Variants in CA4 observed in about 807,000 individuals in gnomAD.
CA4 encodes CA-IV.
A neutral mutation model predicts 34.5 loss-of-function variants in CA4; 24 were observed. That is an observed-to-expected ratio of 0.70 (90% CI 0.50 to 0.98). The LOEUF is 0.98. Ranked by LOEUF, CA4 falls within the 50% of genes least tolerant of loss-of-function variation. The pLI, the probability that CA4 is intolerant of heterozygous loss-of-function variation, is 0.00. For missense variants in CA4, 394 were observed against 396.7 expected, an observed-to-expected ratio of 0.99 and a Z score of 0.06; for synonymous variants, 178 against 170.6, an observed-to-expected ratio of 1.04 and a Z score of -0.34.
downstream of CA4, among the ~76,000 whole-genome samples, chr17:60,175,725 G>A (rs1429303841): frequency 6.7e-6 from 1 of 149,712 alleles, no homozygotes; most frequent in Admixed American, 6.7e-5. Context: ...AAAGAGTTGT[G>A]CTTCATTTTT....
intron 1 of CA4, 79 bp downstream of exon 1, chr17:60,150,171 C>G (rs1053613479): frequency 1.6e-6 from 2 of 1,217,410 alleles, no homozygotes; most frequent in Non-Finnish European, 2.3e-6. Flanking sequence ...GCAGAGGATC[C>G]CCCCGCGGGC....
intron 1 of CA4, among the ~76,000 whole-genome samples, chr17:60,154,193 C>G (rs900657083): frequency 6.8e-6 from 1 of 147,256 alleles, no homozygotes; most frequent in African/African-American, 2.5e-5. Flanking sequence ...TCTCCTCTCT[C>G]GGCCCCTCCT....
chr17:60,160,022 C>T (rs2145285464), downstream of CA4, among the ~76,000 whole-genome samples: 1 of 152,290 alleles, frequency 6.6e-6, no homozygotes. Context: ...CACCTGTAGT[C>T]CCAGCTACTC....
intron 3 of CA4, chr17:60,156,981 T>C: frequency 1.8e-6 from 1 of 557,730 alleles, no homozygotes; most frequent in Non-Finnish European, 3.2e-6. Flanking sequence ...ATGGAACAGC[T>C]CGGCGTGTTC....
At chr17:60,158,930 C>T (rs2083746120) in intron 7 of CA4, 5 of 483,592 alleles carry the variant, frequency 1.0e-5, no homozygotes, top group Non-Finnish European at 1.9e-5. Flanking sequence ...CTGATGCTAA[C>T]GCATGCTCAA....
intron 5 of CA4, among the ~76,000 whole-genome samples, chr17:60,169,679 T>C (rs1415092284): frequency 2.0e-5 from 3 of 152,026 alleles, no homozygotes; most frequent in Non-Finnish European, 2.9e-5. Context: ...TTAGTAGAGA[T>C]GGGGTTTCAC....
chr17:60,159,547 C>A (rs922136078), downstream of CA4: 5 of 1,141,454 alleles, frequency 4.4e-6, no homozygotes, highest in East Asian at 2.6e-5. Context: ...TTTGGAGAAA[C>A]CTTTCTCAAG....
At position 60,157,415 on chromosome 17, in the gene CA4, C is replaced by T. The variant is rs532917963; in HGVS notation, c.269-12C>T. ...GGCTGGTTCGAGGACTCTGCCCCTT[C>T]TGTGCTCCCAGTGATGATGTTGCTG... On this transcript the variant is annotated splice_polypyrimidine_tract_variant and intron_variant, in intron 3 of 7. Transcript: ENST00000300900. 8 of 1,614,170 alleles carry T rather than the reference C, an allele frequency of 5.0e-6. No individual in the cohort carries two copies. The East Asian group carries it at 1.6e-4, about 31-fold the overall frequency.
At chr17:60,166,919 C>T (rs552655748) in intron 5 of CA4, among the ~76,000 whole-genome samples, 13 of 152,062 alleles carry the variant, frequency 8.5e-5, no homozygotes, top group African/African-American at 2.9e-4. Flanking sequence ...ATGGTGCCAA[C>T]GTACTCCAGC....
intron 2 of CA4, 152 bp downstream of exon 2, chr17:60,155,519 ACACACTCT>A: frequency 1.6e-6 from 1 of 635,116 alleles, no homozygotes. Flanking sequence ...ACACACACAC[ACACACTCT>A]CTCTCTCTCT....
intron 5 of CA4, among the ~76,000 whole-genome samples, chr17:60,164,893 C>T (rs987454189): frequency 6.6e-6 from 1 of 152,066 alleles, no homozygotes; most frequent in Non-Finnish European, 1.5e-5. Context: ...CTCACACCGG[C>T]CTGGGGTGGA....
downstream of CA4, among the ~76,000 whole-genome samples, chr17:60,164,124 A>C (rs1051640271): frequency 1.3e-5 from 2 of 151,106 alleles, no homozygotes; most frequent in Admixed American, 6.6e-5. Flanking sequence ...AGGAAAAAAA[A>C]AAACAAACGT....
rs1237307478 is a variant in CA4 at position 60,158,320 on chromosome 17, C to T, written c.618C>T (p.Asp206=). ...STTMAESSLL[D]LLPKEEKLRH... ...CGATGGCAGAGAGCAGCCTGTTGGA[C>T]CTGCTCCCCAAGGAGGAGAAACTGA... The change falls in exon 7 of 8, where the codon GAC becomes GAT. Residue 206 remains aspartate (D), a synonymous_variant. Transcript: ENST00000300900. 1 of 1,614,136 alleles carries T rather than the reference C, an allele frequency of 6.2e-7. No individual in the cohort carries two copies. The highest frequency in any genetic ancestry group is 8.5e-7 in the Non-Finnish European group (1 of 1,179,972).
downstream of CA4, among the ~76,000 whole-genome samples, chr17:60,173,467 T>C (rs193015733): frequency 6.6e-6 from 1 of 152,318 alleles, no homozygotes; most frequent in Admixed American, 6.5e-5. Context: ...GTAATCCTAA[T>C]CTCACTTTAT....
At chr17:60,152,717 G>A (rs562049326) in intron 1 of CA4, among the ~76,000 whole-genome samples, 5 of 152,194 alleles carry the variant, frequency 3.3e-5, no homozygotes, top group South Asian at 4.1e-4. Flanking sequence ...AGACCTCTGC[G>A]GGTGGGGACA....
chr17:60,152,935 T>C (rs1453271870), intron 1 of CA4, among the ~76,000 whole-genome samples: 1 of 152,168 alleles, frequency 6.6e-6, no homozygotes, highest in Non-Finnish European at 1.5e-5. Flanking sequence ...CTCTAGATGT[T>C]TGCAGTTAAG....
chr17:60,157,609 T>C (rs746083179), intron 4 of CA4, 37 bp downstream of exon 4: 25 of 1,613,988 alleles, frequency 1.5e-5, no homozygotes, highest in Non-Finnish European at 1.9e-5. Flanking sequence ...TTGTCTGGGC[T>C]CTGGGCGCGC....
At position 60,150,654 on chromosome 17, in the gene CA4, TAAAA is replaced by T. The variant is rs66850461; in HGVS notation, c.58+595_58+598del. Among the ~76,000 whole-genome samples, 36 of 33,910 alleles carry T rather than the reference TAAAA, an allele frequency of 1.1e-3. 1 individual carries two copies. The highest frequency in any genetic ancestry group is 2.6e-3 in the African/African-American group (33 of 12,606). 22.2% of individuals were successfully genotyped at this position (33,910 alleles called of 152,430 possible). A position where few individuals can be genotyped will look rare whatever the true frequency, so the allele number is the denominator to read the frequency against. ...CTGCACTCCAGCCTGGTGCTCCGTT[TAAAA>T]AAAAAAAAAAAAAAAAAAAAAAAAA... is the stretch of plus-strand genomic sequence containing the variant. On this transcript the variant is annotated intron_variant, in intron 1 of 7. Coordinates refer to ENST00000300900, the MANE Select transcript of CA4 (RefSeq NM_000717.5).
At chr17:60,157,284 C>T (rs765905659) in intron 3 of CA4, 143 bp from the exon 4 acceptor site, 13 of 874,308 alleles carry the variant, frequency 1.5e-5, no homozygotes, top group Middle Eastern at 3.3e-4. Flanking sequence ...TGTCCCACCC[C>T]GCGCCACCCC....
Sources: allele counts gnomAD v4.1 joint callset (sites outside exome capture counted in the v4.1 genomes callset), GRCh38; gene constraint gnomAD v4.1.1; transcripts MANE v1.5; gene names NCBI Gene and HGNC (gene_info 2026-07-23, HGNC 2026-07-21).